Variants in AFAP1 observed in about 807,000 individuals in gnomAD.
AFAP1 encodes the protein actin filament-associated protein 1.
AFAP1 carries 75 observed loss-of-function variants against 93.9 expected under a neutral mutation model. The ratio of observed to expected loss-of-function variants is 0.80; its 90% confidence interval spans 0.66 to 0.97. The LOEUF is 0.97. Ranked by LOEUF, AFAP1 falls within the 50% of genes least tolerant of loss-of-function variation. The pLI, the probability that AFAP1 is intolerant of heterozygous loss-of-function variation, is 0.00. For missense variants in AFAP1, 1,201 were observed against 1,050.8 expected (o/e 1.14, Z -1.98); for synonymous variants, 517 against 430.7 (o/e 1.20, Z -2.48).
Position 7,854,621 on chromosome 4 carries a change from A to G in AFAP1, c.334+845T>C, listed in dbSNP as rs544979829. 3.4e-3 allele frequency among the ~76,000 whole-genome samples: 525 copies of G among 152,304 alleles called. 5 individuals are homozygous for G. Among genetic ancestry groups the G allele is most frequent in the Non-Finnish European group, 3.3e-3 (222 of 68,028 alleles). Reference sequence around the variant, plus strand: ...GGAAAGGGAGAGCATTTTCCTTAGGAGACAGCGAAGGCCGGAGACCACGCA... The same window carrying G: ...GGAAAGGGAGAGCATTTTCCTTAGGGGACAGCGAAGGCCGGAGACCACGCA... On this transcript the variant is annotated intron_variant, in intron 4 of 17. Coordinates refer to ENST00000420658, the MANE Select transcript of AFAP1 (RefSeq NM_001134647.2).
intron 9 of AFAP1, among the ~76,000 whole-genome samples, chr4:7,805,258 T>C (rs1233256695): frequency 2.0e-5 from 3 of 152,148 alleles, no homozygotes; most frequent in African/African-American, 7.2e-5. Context: ...CTAGCTTTCC[T>C]GAATATCTAC....
chr4:7,822,077 C>A (rs895211085), intron 6 of AFAP1, among the ~76,000 whole-genome samples: 7 of 143,228 alleles, frequency 4.9e-5, no homozygotes, highest in Non-Finnish European at 8.1e-5. Context: ...CCTCACCTAC[C>A]CTAAGGTGTT....
Position 7,872,021 on chromosome 4 carries a change from G to C in AFAP1, c.58C>G (p.Leu20Val). The C allele has an allele frequency of 6.2e-7, 1 of 1,614,146 alleles. No homozygotes were observed. The highest frequency in any genetic ancestry group is 8.5e-7 in the Non-Finnish European group (1 of 1,180,008). ...TTTTTCTCCCTGACAGTTGAGGTTA[G>C]ATATTCATGGTCCAGGAGTTCAAGA... ...LFLELLDHEY[L>V]TSTVREKKAV... The change falls in exon 2 of 18, where the codon CTA (leucine) becomes GTA (valine). Residue 20 changes from leucine to valine, a missense_variant. Transcript: ENST00000420658.
chr4:7,853,187 G>C (rs1208748140), intron 4 of AFAP1, among the ~76,000 whole-genome samples: 1 of 151,614 alleles, frequency 6.6e-6, no homozygotes, highest in African/African-American at 2.4e-5. Context: ...GTGGCCCTGA[G>C]AGAAATCTGG....
chr4:7,905,937 G>T (rs1173887297), intron 1 of AFAP1, among the ~76,000 whole-genome samples: 1 of 152,202 alleles, frequency 6.6e-6, no homozygotes, highest in African/African-American at 2.4e-5. Context: ...AGGGGGACAC[G>T]CATGCAACGT....
intron 6 of AFAP1, among the ~76,000 whole-genome samples, chr4:7,822,053 T>G (rs1406491796): frequency 6.6e-6 from 1 of 152,058 alleles, no homozygotes; most frequent in Non-Finnish European, 1.5e-5. Flanking sequence ...TAATTGCTTT[T>G]TTGGTCTTTA....
intron 3 of AFAP1, among the ~76,000 whole-genome samples, chr4:7,855,874 C>T (rs1021228121): frequency 2.6e-5 from 4 of 152,208 alleles, no homozygotes; most frequent in East Asian, 1.9e-4. Flanking sequence ...CCTTCCCCCA[C>T]GCAGGACTGG....
chr4:7,892,132 C>A (rs140992377), intron 1 of AFAP1, among the ~76,000 whole-genome samples: 1 of 152,166 alleles, frequency 6.6e-6, no homozygotes, highest in Non-Finnish European at 1.5e-5. Flanking sequence ...AGGTGAAGAG[C>A]CCACAGGCTA....
chr4:7,859,069 C>T (rs1310479513), intron 3 of AFAP1, among the ~76,000 whole-genome samples: 5 of 152,214 alleles, frequency 3.3e-5, no homozygotes, highest in African/African-American at 1.2e-4. Flanking sequence ...CCTAACACGG[C>T]CTGCATCTGT....
intron 1 of AFAP1, among the ~76,000 whole-genome samples, chr4:7,897,885 C>T (rs923699393): frequency 4.6e-5 from 7 of 152,146 alleles, no homozygotes; most frequent in African/African-American, 1.7e-4. Context: ...ATGCCCAAAA[C>T]GCACTTTTGA....
intron 1 of AFAP1, among the ~76,000 whole-genome samples, chr4:7,889,355 T>G (rs1718309099): frequency 6.6e-6 from 1 of 151,814 alleles, no homozygotes; most frequent in South Asian, 2.1e-4. Flanking sequence ...CAGATCATCC[T>G]GGCTAACATG....
At chr4:7,783,591 T>TAC (rs1346821984) in intron 12 of AFAP1, among the ~76,000 whole-genome samples, 28 of 152,196 alleles carry the variant, frequency 1.8e-4, no homozygotes, top group African/African-American at 9.7e-5. Context: ...AGCCCAGCAA[T>TAC]ACACACACAC....
intron 9 of AFAP1, among the ~76,000 whole-genome samples, chr4:7,806,782 G>A (rs1023285286): frequency 1.3e-5 from 2 of 152,176 alleles, no homozygotes; most frequent in African/African-American, 4.8e-5. Context: ...GGCAAAAGCT[G>A]TCCACTAAGC....
intron 7 of AFAP1, among the ~76,000 whole-genome samples, chr4:7,817,510 G>T (rs910913812): frequency 6.6e-6 from 1 of 152,200 alleles, no homozygotes; most frequent in East Asian, 1.9e-4. Flanking sequence ...AGAATGACTT[G>T]AACTCAGGAG....
At chr4:7,777,346 T>C (rs1347430491) in intron 14 of AFAP1, 1 of 152,222 alleles carries the variant, frequency 6.6e-6, no homozygotes, top group East Asian at 1.9e-4. Flanking sequence ...AACACGTATG[T>C]TGGGTAGAAC....
At chr4:7,892,455 G>C (rs1209157566) in intron 1 of AFAP1, among the ~76,000 whole-genome samples, 1 of 152,212 alleles carries the variant, frequency 6.6e-6, no homozygotes, top group African/African-American at 2.4e-5. Context: ...GAGACACTGG[G>C]GGAGGGGCAG....
intron 1 of AFAP1, among the ~76,000 whole-genome samples, chr4:7,880,278 C>CTTTT (rs35346388): frequency 2.5e-4 from 30 of 120,560 alleles, no homozygotes; most frequent in East Asian, 5.0e-4. Context: ...ACCCAAATGC[C>CTTTT]TTTTTTTTTT....
chr4:7,870,535 T>C (rs944799099), intron 2 of AFAP1, among the ~76,000 whole-genome samples: 5 of 152,250 alleles, frequency 3.3e-5, no homozygotes, highest in African/African-American at 1.2e-4. Flanking sequence ...TGCACAAATG[T>C]AGTCCCAGCT....
intron 16 of AFAP1, among the ~76,000 whole-genome samples, chr4:7,770,958 A>C (rs1324210285): frequency 6.6e-6 from 1 of 152,164 alleles, no homozygotes; most frequent in Non-Finnish European, 1.5e-5. Context: ...CTCTCACTGC[A>C]CCTGACCCCA....
Sources: gnomAD v4.1 joint callset for allele counts (sites outside exome capture counted in the v4.1 genomes callset) on GRCh38, gnomAD v4.1.1 for gene constraint, MANE v1.5 for transcripts, NCBI Gene and HGNC (gene_info 2026-07-23, HGNC 2026-07-21) for gene names.